The following ARHGAP28 variants were observed in gnomAD, a reference collection of about 807,000 sequenced individuals.
The protein encoded by ARHGAP28 is rho GTPase-activating protein 28.
ARHGAP28 carries 56 observed loss-of-function variants against 90.7 expected under a neutral mutation model. The ratio of observed to expected loss-of-function variants is 0.62; its 90% CI spans 0.50 to 0.77. The LOEUF (loss-of-function observed/expected upper bound fraction) is 0.77, where lower values mean the gene tolerates loss of function less well. ARHGAP28 is among the 30% of genes least tolerant of loss of function. ARHGAP28 has a pLI of 0.00. For synonymous variants in ARHGAP28, 308 were observed against 323.3 expected, an observed-to-expected ratio of 0.95 and a Z score of 0.51; for missense variants, 869 against 900.9, an observed-to-expected ratio of 0.96 and a Z score of 0.45.
At chr18:6,831,363 G>C (rs1600224883) in intron 2 of ARHGAP28, among the ~76,000 whole-genome samples, 1 of 151,672 alleles carries the variant, frequency 6.6e-6, no homozygotes, top group East Asian at 1.9e-4. Context: ...CACTGCTTGT[G>C]ACTTGTCCAT....
At chr18:6,827,154 C>G (rs1209079209) in intron 2 of ARHGAP28, among the ~76,000 whole-genome samples, 1 of 152,226 alleles carries the variant, frequency 6.6e-6, no homozygotes, top group African/African-American at 2.4e-5. Context: ...GCTTTCTATT[C>G]CACAAAACCG....
At position 6,905,913 on chromosome 18, in the gene ARHGAP28, CAT is replaced by C. The variant is rs375806397; in HGVS notation, c.2031-3044_2031-3043del. On this transcript the variant is annotated intron_variant, in intron 16 of 17. Coordinates refer to ENST00000383472, the MANE Select transcript of ARHGAP28 (RefSeq NM_001366230.1). ...AAGAAGACCTAAAGAAATGGAGAAA[CAT>C]ATCATTTTCATGGATTGGAAGATAA... Among the ~76,000 whole-genome samples, 295 of 152,066 alleles carry C rather than the reference CAT, an allele frequency of 1.9e-3. 4 individuals are homozygous for C. The highest frequency in any genetic ancestry group is 6.8e-3 in the African/African-American group (284 of 41,498).
In ARHGAP28 at chr18:6,729,756, G is replaced by A; in HGVS notation, c.-66G>A. The A allele has an allele frequency of 7.7e-7, 1 of 1,292,292 alleles. No homozygotes were observed. 80.1% of individuals were successfully genotyped at this position (1,292,292 alleles called of 1,614,324 possible). ...CCGCCCAGCTGCTGACAGCCTCCCG[G>A]CGCGCCGGTCCATGCTGGTCCCGGT... is the stretch of plus-strand genomic sequence containing the variant. On this transcript the variant is annotated 5_prime_UTR_variant, in exon 1 of 18. Coordinates refer to ENST00000383472, the MANE Select transcript of ARHGAP28 (RefSeq NM_001366230.1).
intron 1 of ARHGAP28, among the ~76,000 whole-genome samples, chr18:6,752,950 C>CTT (rs74960797): frequency 1.7e-4 from 25 of 149,396 alleles, no homozygotes; most frequent in East Asian, 3.9e-4. Context: ...ATTGGCAATA[C>CTT]TTTTTTTTTT....
At chr18:6,756,592 C>T (rs190130617) in intron 1 of ARHGAP28, among the ~76,000 whole-genome samples, 20 of 152,052 alleles carry the variant, frequency 1.3e-4, no homozygotes, top group Admixed American at 5.9e-4. Flanking sequence ...AAGGACAGAA[C>T]GAATAGGATA....
At chr18:6,868,835 C>T (rs568803729) in intron 6 of ARHGAP28, among the ~76,000 whole-genome samples, 8 of 151,900 alleles carry the variant, frequency 5.3e-5, no homozygotes, top group African/African-American at 9.7e-5. Flanking sequence ...AATAAAGGTG[C>T]TGAGGTGATG....
chr18:6,900,105 A>C (rs2057330618), intron 16 of ARHGAP28, among the ~76,000 whole-genome samples: 1 of 152,186 alleles, frequency 6.6e-6, no homozygotes, highest in Non-Finnish European at 1.5e-5. Context: ...AATGAGGCAG[A>C]GCCAGTTGGT....
At chr18:6,780,817 G>C (rs1600176860) in intron 1 of ARHGAP28, among the ~76,000 whole-genome samples, 1 of 151,628 alleles carries the variant, frequency 6.6e-6, no homozygotes, top group South Asian at 2.1e-4. Flanking sequence ...TCTTGAACCC[G>C]GGAGGTGGAG....
At chr18:6,826,607 A>G (rs1380091660) in intron 2 of ARHGAP28, among the ~76,000 whole-genome samples, 1 of 147,992 alleles carries the variant, frequency 6.8e-6, no homozygotes, top group East Asian at 2.0e-4. Flanking sequence ...ACGAGCGCGT[A>G]TGAGCCTGCC....
At chr18:6,779,902 C>T (rs1453592994) in intron 1 of ARHGAP28, among the ~76,000 whole-genome samples, 1 of 152,192 alleles carries the variant, frequency 6.6e-6, no homozygotes, top group Non-Finnish European at 1.5e-5. Flanking sequence ...CGAAATGTCA[C>T]TAACTTTGAA....
At chr18:6,793,031 T>C (rs1420240501) in intron 1 of ARHGAP28, among the ~76,000 whole-genome samples, 1 of 152,234 alleles carries the variant, frequency 6.6e-6, no homozygotes, top group African/African-American at 2.4e-5. Context: ...TTATTCTGCA[T>C]GATTTGTTGT....
chr18:6,813,562 TA>T (rs2056571226), intron 1 of ARHGAP28, among the ~76,000 whole-genome samples: 1 of 152,196 alleles, frequency 6.6e-6, no homozygotes, highest in Non-Finnish European at 1.5e-5. Flanking sequence ...ATAGTAAAAA[TA>T]TACTCAATTT....
intron 3 of ARHGAP28, among the ~76,000 whole-genome samples, chr18:6,840,517 C>G (rs2056798423): frequency 6.6e-6 from 1 of 152,146 alleles, no homozygotes; most frequent in African/African-American, 2.4e-5. Flanking sequence ...TGCTCAGTTC[C>G]TCAAAATGAA....
chr18:6,848,853 T>C (rs1166649493), intron 3 of ARHGAP28, among the ~76,000 whole-genome samples: 1 of 152,158 alleles, frequency 6.6e-6, no homozygotes, highest in East Asian at 1.9e-4. Flanking sequence ...GCAAGTCTCC[T>C]CTGTCCCTTC....
intron 2 of ARHGAP28, among the ~76,000 whole-genome samples, chr18:6,827,616 G>T (rs1484668060): frequency 3.6e-5 from 5 of 137,086 alleles, no homozygotes; most frequent in Non-Finnish European, 8.0e-5. Flanking sequence ...CTCCGAGACG[G>T]GGCGGCTGGC....
chr18:6,841,167 C>CCTCTCTCTCTCCT (rs2056811018), intron 3 of ARHGAP28, among the ~76,000 whole-genome samples: 2 of 79,938 alleles, frequency 2.5e-5, no homozygotes, highest in African/African-American at 1.1e-4. Flanking sequence ...TTCTCTCTCT[C>CCTCTCTCTCTCCT]CTCTCTCTCT....
At chr18:6,844,614 T>G (rs189704663) in intron 3 of ARHGAP28, among the ~76,000 whole-genome samples, 1 of 152,330 alleles carries the variant, frequency 6.6e-6, no homozygotes. Flanking sequence ...AAAATGCACT[T>G]TCATTTTTTT....
intron 1 of ARHGAP28, among the ~76,000 whole-genome samples, chr18:6,782,206 G>T (rs532681098): frequency 6.6e-6 from 1 of 152,088 alleles, no homozygotes; most frequent in Non-Finnish European, 1.5e-5. Flanking sequence ...TTTAGGGAGT[G>T]GGGGGTTGAG....
chr18:6,864,400 A>T (rs1477086171), intron 5 of ARHGAP28, among the ~76,000 whole-genome samples: 2 of 152,134 alleles, frequency 1.3e-5, no homozygotes. Flanking sequence ...TAAGGGTTAG[A>T]TTATTTTCTA....
Sources: gnomAD v4.1 joint callset for allele counts (sites outside exome capture counted in the v4.1 genomes callset) on GRCh38, gnomAD v4.1.1 for gene constraint, MANE v1.5 for transcripts, NCBI Gene and HGNC (gene_info 2026-07-23, HGNC 2026-07-21) for gene names.